The following HMCN1 variants were observed in gnomAD, a reference collection of about 807,000 sequenced individuals.
HMCN1 encodes hemicentin 1.
A neutral mutation model predicts 625.9 loss-of-function variants in HMCN1; 321 were observed. The ratio of observed to expected loss-of-function variants is 0.51; its 90% CI spans 0.47 to 0.56. HMCN1 has a LOEUF of 0.56. Ranked by LOEUF, HMCN1 falls within the 20% of genes least tolerant of loss-of-function variation. The pLI is 0.00. For synonymous variants in HMCN1, 2,425 were observed against 2,417.6 expected (o/e 1.00, Z -0.09); for missense variants, 6,588 against 6,887.3 (o/e 0.96, Z 1.54).
chr1:185,820,128 A>C (rs1460037861), intron 1 of HMCN1, among the ~76,000 whole-genome samples: 3 of 152,182 alleles, frequency 2.0e-5, no homozygotes, highest in Non-Finnish European at 4.4e-5. Flanking sequence ...AGCAGGAGAA[A>C]GTGTCTAAAT....
At chr1:185,795,735 C>G (rs1220511930) in intron 1 of HMCN1, among the ~76,000 whole-genome samples, 2 of 152,176 alleles carry the variant, frequency 1.3e-5, no homozygotes, top group Admixed American at 6.5e-5. Context: ...TGGGATTTCC[C>G]TTTTAAATTG....
intron 64 of HMCN1, among the ~76,000 whole-genome samples, chr1:186,091,917 A>G (rs537633581): frequency 1.3e-5 from 2 of 151,900 alleles, no homozygotes; most frequent in Admixed American, 1.3e-4. Flanking sequence ...CAGAGGATAC[A>G]TTTTAAGTTT....
At chr1:185,781,217 C>A (rs367626182) in intron 1 of HMCN1, among the ~76,000 whole-genome samples, 1 of 152,046 alleles carries the variant, frequency 6.6e-6, no homozygotes, top group African/African-American at 2.4e-5. Flanking sequence ...TTTTTTATTG[C>A]ATCTATTTGA....
At chr1:185,781,018 A>ATTT (rs747435691) in intron 1 of HMCN1, among the ~76,000 whole-genome samples, 1 of 152,270 alleles carries the variant, frequency 6.6e-6, no homozygotes, top group East Asian at 1.9e-4. Flanking sequence ...TATTGCCTCA[A>ATTT]TTTCAGAGCC....
At position 185,857,076 on chromosome 1, in the gene HMCN1, T is replaced by C. The variant is rs545377978; in HGVS notation, c.340-7394T>C. On this transcript the variant is annotated intron_variant, in intron 2 of 106. Transcript: ENST00000271588. ...TACTACTCCCTTGAATGATAAGATT[T>C]CTATTCATTCTTATTTAATCTTGTT... Among the ~76,000 whole-genome samples the C allele has an allele frequency of 1.4e-4, 21 of 152,360 alleles. No homozygotes were observed. In the South Asian group the frequency reaches 4.1e-3, roughly 30 times the overall value.
At chr1:186,093,759 T>C in intron 66 of HMCN1, 90 bp downstream of exon 66, 1 of 1,559,902 alleles carries the variant, frequency 6.4e-7, no homozygotes, top group Non-Finnish European at 8.8e-7. Flanking sequence ...GAAGAAATGT[T>C]TTTTTCTAAG....
intron 102 of HMCN1, among the ~76,000 whole-genome samples, chr1:186,173,977 A>C (rs1251249103): frequency 6.6e-6 from 1 of 152,240 alleles, no homozygotes; most frequent in Non-Finnish European, 1.5e-5. Context: ...CTTTTAAAAG[A>C]AATGCTTTTC....
Position 186,123,004 on chromosome 1 carries a change from C to T in HMCN1, c.12283C>T (p.Pro4095Ser). 6.2e-7 allele frequency: 1 copy of T among 1,614,118 alleles called. No homozygotes were observed. Among genetic ancestry groups the T allele is most frequent in the Non-Finnish European group, 8.5e-7 (1 of 1,179,998 alleles). The change falls in exon 81 of 107, where the codon CCC (proline) becomes TCC (serine). Residue 4095 changes from proline to serine, a missense_variant. Physicochemically the swap from Pro to Ser is moderately conservative, Grantham distance 74. Transcript: ENST00000271588. ...GGAATATGTTATTGCTGTGGACAAGCCCATCACGTTATCCTGTGAAGCAGA... is the reference window on the plus strand; with the variant it reads ...GGAATATGTTATTGCTGTGGACAAGTCCATCACGTTATCCTGTGAAGCAGA... ...LKEYVIAVDK[P>S]ITLSCEADGL...
At chr1:186,167,766 T>C (rs1489203166) in intron 100 of HMCN1, among the ~76,000 whole-genome samples, 1 of 152,236 alleles carries the variant, frequency 6.6e-6, no homozygotes, top group Admixed American at 6.5e-5. Context: ...TTGCCTTCTT[T>C]CACTTAGTAA....
intron 1 of HMCN1, among the ~76,000 whole-genome samples, chr1:185,778,753 C>T (rs908810523): frequency 2.9e-4 from 44 of 152,152 alleles, no homozygotes; most frequent in African/African-American, 9.9e-4. Flanking sequence ...CATTGATGGA[C>T]ATTTGGGTTG....
intron 24 of HMCN1, among the ~76,000 whole-genome samples, chr1:185,995,544 C>G (rs1434537954): frequency 6.6e-6 from 1 of 152,112 alleles, no homozygotes; most frequent in Non-Finnish European, 1.5e-5. Flanking sequence ...ACTGATCGAG[C>G]TCTTGCCAGG....
intron 30 of HMCN1, among the ~76,000 whole-genome samples, chr1:186,012,292 C>T (rs1480897909): frequency 6.6e-6 from 1 of 151,018 alleles, no homozygotes; most frequent in Non-Finnish European, 1.5e-5. Context: ...AAAGATTCTG[C>T]TTCAGGTTAT....
In HMCN1 at chr1:186,015,529, G is replaced by T. The variant is rs78075227; in HGVS notation, c.4909+92G>T. On this transcript the variant is annotated intron_variant, in intron 31 of 106. Transcript: ENST00000271588. ...ATTTATTCACTAATAGTCCTTGGTG[G>T]GTTTGTCTTTTTCAATATGCATGGA... 1.1e-4 allele frequency: 136 copies of T among 1,285,890 alleles called. No individual in the cohort carries two copies. The East Asian group carries it at 3.1e-3, about 29-fold the overall frequency. 79.7% of individuals were successfully genotyped at this position (1,285,890 alleles called of 1,614,324 possible).
chr1:185,769,493 A>C (rs1312409764), intron 1 of HMCN1, among the ~76,000 whole-genome samples: 1 of 152,124 alleles, frequency 6.6e-6, no homozygotes, highest in African/African-American at 2.4e-5. Flanking sequence ...GATAAAAAGA[A>C]AGCCTAATTG....
At chr1:185,758,992 A>G (rs1655313569) in intron 1 of HMCN1, among the ~76,000 whole-genome samples, 1 of 152,166 alleles carries the variant, frequency 6.6e-6, no homozygotes, top group South Asian at 2.1e-4. Flanking sequence ...TGTTCCTTGG[A>G]ACTATATTAA....
At chr1:185,947,312 A>G (rs935542380) in intron 11 of HMCN1, among the ~76,000 whole-genome samples, 1 of 152,070 alleles carries the variant, frequency 6.6e-6, no homozygotes, top group Admixed American at 6.6e-5. Flanking sequence ...CACTTGAAAT[A>G]TGGCTAGTGT....
chr1:186,108,538 A>G lies in HMCN1; in HGVS notation c.10930A>G (p.Lys3644Glu). The G allele has an allele frequency of 1.9e-6, 3 of 1,614,084 alleles. No individual in the cohort carries two copies. Among genetic ancestry groups the G allele is most frequent in the Non-Finnish European group, 2.5e-6 (3 of 1,179,960 alleles). The change falls in exon 71 of 107, where the codon AAG becomes GAG. Residue 3644 changes from lysine (K) to glutamate (E), a missense_variant. Physicochemically the swap from Lys to Glu is moderately conservative, Grantham distance 56. Around this residue, in one of 3 missense-constraint regions of HMCN1, gnomAD observed 4,628 missense variants for 4,853.1 expected, o/e 0.95. Transcript: ENST00000271588. ...LRNRQVTLEC[K>E]SDAVPPPVIT... ...GAACAGACAAGTGACATTGGAATGC[A>G]AGTCAGATGCAGTGCCCCCACCTGT...
Position 186,062,577 on chromosome 1 carries a change from T to A in HMCN1, c.7490T>A (p.Val2497Asp). 1.2e-6 allele frequency: 2 copies of A among 1,612,244 alleles called. No homozygotes were observed. Among genetic ancestry groups the A allele is most frequent in the Non-Finnish European group, 1.7e-6 (2 of 1,178,508 alleles). Residue 2497 changes from valine (V) to aspartate (D), a missense_variant, in exon 48 of 107, where the codon GTT becomes GAT. Coordinates refer to ENST00000271588, the MANE Select transcript of HMCN1 (RefSeq NM_031935.3). ...GTGAAGGTAAAAGAGAAACAGAGTG[T>A]TACGCTGACTTGTGAAGTGACAGGT... is the stretch of plus-strand genomic sequence containing the variant. ...EDVKVKEKQS[V>D]TLTCEVTGNP...
chr1:186,023,375 G>A (rs1654852469), intron 36 of HMCN1, among the ~76,000 whole-genome samples: 1 of 151,356 alleles, frequency 6.6e-6, no homozygotes. Flanking sequence ...ATATACTGGA[G>A]CTCATAATTA....
Sources: gnomAD v4.1 joint callset for allele counts (sites outside exome capture counted in the v4.1 genomes callset) on GRCh38, gnomAD v4.1.1 for gene constraint, gnomAD v4.1.1 regional missense constraint, MANE v1.5 for transcripts, NCBI Gene and HGNC (gene_info 2026-07-23, HGNC 2026-07-21) for gene names.